The following GFUS variants were observed in gnomAD, a reference collection of about 807,000 sequenced individuals.
The protein encoded by GFUS is 3-5 epimerase/4-reductase.
In GFUS, 42 loss-of-function variants were observed where a neutral mutation model predicts 41.5. The ratio of observed to expected loss-of-function variants is 1.01; its 90% CI spans 0.79 to 1.31. The LOEUF is 1.31. GFUS is among the 50% of genes most tolerant of loss of function. The probability of loss-of-function intolerance (pLI) is 0.00; values close to 1 mark genes in which losing one functional copy is unlikely to be tolerated. For synonymous variants in GFUS, 188 were observed against 173.4 expected (o/e 1.08, Z -0.66); for missense variants, 437 against 428.7 (o/e 1.02, Z -0.17).
Position 143,614,618 on chromosome 8 carries a change from G to A in GFUS, c.464+6C>T, listed in dbSNP as rs753932456. Reference sequence around the variant, plus strand: ...GGCTGGGCCTCAGCAGGATGGGCGCGAGGACCTGTTCTGCACGTCGATCAT... The same window carrying A: ...GGCTGGGCCTCAGCAGGATGGGCGCAAGGACCTGTTCTGCACGTCGATCAT... On this transcript the variant is annotated splice_donor_region_variant and intron_variant, in intron 5 of 10. Transcript: ENST00000425753. The A allele has an allele frequency of 6.3e-6, 10 of 1,583,006 alleles. No individual in the cohort carries two copies. Among genetic ancestry groups the A allele is most frequent in the South Asian group, 1.1e-5 (1 of 87,608 alleles).
chr8:143,613,133 G>T, intron 10 of GFUS, 63 bp downstream of exon 10: 2 of 1,559,276 alleles, frequency 1.3e-6, no homozygotes, highest in South Asian at 1.1e-5. Context: ...CCCTGGTAGC[G>T]AGCATGAGGG....
Position 143,612,852 on chromosome 8 carries a change from G to A in GFUS, c.*58C>T. 1 of 1,560,214 alleles carries A rather than the reference G, an allele frequency of 6.4e-7. No homozygotes were observed. Among genetic ancestry groups the A allele is most frequent in the East Asian group, 2.4e-5 (1 of 41,706 alleles). ...CAGCTCCTGGCAGGGTTGACGGGTG[G>A]TGGCCGCTGGGCTCTGCCAGCCGAT... On this transcript the variant is annotated 3_prime_UTR_variant, in exon 11 of 11. Transcript: ENST00000425753.
Position 143,614,802 on chromosome 8 carries a change from C to T in GFUS, c.375G>A (p.Pro125=), listed in dbSNP as rs781416066. 24 of 1,613,684 alleles carry T rather than the reference C, an allele frequency of 1.5e-5. No individual in the cohort carries two copies. The highest frequency in any genetic ancestry group is 2.2e-5 in the South Asian group (2 of 91,084). The change falls in exon 4 of 11, where the codon CCG becomes CCA. Residue 125 remains proline (P), a synonymous_variant. Coordinates refer to ENST00000425753, the MANE Select transcript of GFUS (RefSeq NM_003313.4). ...TCIFPDKTTY[P]IDETMIHNGP... ...TGCCCCTCACCATGGTCTCATCTAT[C>T]GGGTAGGTCGTCTTGTCAGGGAAGA...
rs1829654225 is a variant in GFUS, at chr8:143,614,148, G to A, written c.663+16C>T. 2 of 1,612,150 alleles carry A rather than the reference G, an allele frequency of 1.2e-6. No individual in the cohort carries two copies. Among genetic ancestry groups the A allele is most frequent in the South Asian group, 2.2e-5 (2 of 91,096 alleles). ...GGGCAGGTTCTCTGGGGAGAGCTGT[G>A]CCTTCCTTTACGCACCAGCGAGTAT... On this transcript the variant is annotated intron_variant, in intron 7 of 10. Coordinates refer to ENST00000425753, the MANE Select transcript of GFUS (RefSeq NM_003313.4).
intron 9 of GFUS, 77 bp from the exon 10 acceptor site, chr8:143,613,372 A>G: frequency 6.6e-7 from 1 of 1,518,782 alleles, no homozygotes; most frequent in Non-Finnish European, 9.1e-7. Context: ...AACCTCTGCC[A>G]TTCCCAGGGG....
upstream of GFUS, chr8:143,617,693 G>C (rs947073911): frequency 6.6e-6 from 1 of 152,026 alleles, no homozygotes; most frequent in Non-Finnish European, 1.5e-5. Context: ...GGCCGCGCGC[G>C]GGCGGGTCCC....
Position 143,612,840 on chromosome 8 carries a change from G to T in GFUS, c.*70C>A, listed in dbSNP as rs1403270940. 1 of 1,539,964 alleles carries T rather than the reference G, an allele frequency of 6.5e-7. No homozygotes were observed. The highest frequency in any genetic ancestry group is 1.4e-5 in the African/African-American group (1 of 73,074). ...GGGTGGTGCCCTCAGCTCCTGGCAG[G>T]GTTGACGGGTGGTGGCCGCTGGGCT... On this transcript the variant is annotated 3_prime_UTR_variant, in exon 11 of 11. Transcript: ENST00000425753.
chr8:143,614,525 A>C, intron 5 of GFUS, 72 bp from the exon 6 acceptor site: 1 of 1,566,372 alleles, frequency 6.4e-7, no homozygotes, highest in Non-Finnish European at 8.7e-7. Flanking sequence ...CTGGCCTCTT[A>C]CTGAGGCTGG....
In GFUS at chr8:143,613,447, C is replaced by A; in HGVS notation, c.810+77G>T. ...CTCCCTCCGCAGTGTCCCACCCACG[C>A]TGGCCCTACACCGGGTGGCCACTGA... On this transcript the variant is annotated intron_variant, in intron 9 of 10. Transcript: ENST00000425753. 4 of 1,540,142 alleles carry A rather than the reference C, an allele frequency of 2.6e-6. No homozygotes were observed. In the South Asian group the frequency reaches 4.6e-5, roughly 18 times the overall value.
In GFUS at chr8:143,616,569, G is replaced by A. The variant is rs376807916; in HGVS notation, c.144C>T (p.Leu48=). ...GATCTGGGGATGGGCTCACTCACGT[G>A]AGATCGGCGTCTTTAGAGGAGACAA... The part of the protein sequence containing the change: ...WVFVSSKDAD[L]TDTAQTRALF... The change falls in exon 2 of 11, where the codon CTC becomes CTT. Residue 48 remains leucine (L), a splice_region_variant and synonymous_variant. Coordinates refer to ENST00000425753, the MANE Select transcript of GFUS (RefSeq NM_003313.4). 7 of 1,613,728 alleles carry A rather than the reference G, an allele frequency of 4.3e-6. No individual in the cohort carries two copies. Among genetic ancestry groups the A allele is most frequent in the Middle Eastern group, 1.6e-4 (1 of 6,084 alleles).
intron 3 of GFUS, 142 bp downstream of exon 3, chr8:143,615,964 C>A: frequency 1.5e-6 from 1 of 687,808 alleles, no homozygotes; most frequent in South Asian, 2.0e-5. Flanking sequence ...CAGGGGCTGC[C>A]CCCACCAGGC....
intron 1 of GFUS, 139 bp from the exon 2 acceptor site, chr8:143,616,862 C>G: frequency 2.0e-6 from 2 of 1,009,254 alleles, no homozygotes; most frequent in East Asian, 2.5e-5. Flanking sequence ...CCAGCTGGAC[C>G]GAGGCACTCC....
At chr8:143,614,489 GCC>G in intron 5 of GFUS, 36 bp from the exon 6 acceptor site, 5 of 1,588,330 alleles carry the variant, frequency 3.1e-6, no homozygotes, top group Non-Finnish European at 4.3e-6. Context: ...CTCGTCCTGG[GCC>G]CGCGATCCCA....
chr8:143,617,345 C>T (rs2078031349), intron 1 of GFUS, 129 bp downstream of exon 1: 1 of 154,426 alleles, frequency 6.5e-6, no homozygotes, highest in African/African-American at 2.4e-5. Flanking sequence ...GGAGACCTCA[C>T]CGCAGCCAGA....
rs1453590780 is a variant in GFUS at position 143,612,625 on chromosome 8, A to C, written c.*285T>G. The C allele has an allele frequency of 5.3e-6, 3 of 563,980 alleles. No homozygotes were observed. The highest frequency in any genetic ancestry group is 6.0e-5 in the East Asian group (2 of 33,596). The allele number at this position is 563,980 out of a possible 1,614,324, so 34.9% of individuals were successfully genotyped here. On this transcript the variant is annotated 3_prime_UTR_variant, in exon 11 of 11. Transcript: ENST00000425753. ...CAGAGCTGCCAAGGCCAGGCCTGTG[A>C]AAATGCACTTTATTGGCTCCCAGGG...
Position 143,617,529 on chromosome 8 carries a change from C to T in GFUS, c.-67G>A. The T allele has an allele frequency of 6.6e-6, 1 of 152,358 alleles. No individual in the cohort carries two copies. The highest frequency in any genetic ancestry group is 1.5e-5 in the Non-Finnish European group (1 of 68,050). The allele number at this position is 152,358 out of a possible 1,614,324, so 9.4% of individuals were successfully genotyped here. ...CAGCGGCTTCCGGCCGGGTGCGCTC[C>T]GGCTGCCCGCGGAGCCAGGTGGGGG... is the stretch of plus-strand genomic sequence containing the variant. On this transcript the variant is annotated 5_prime_UTR_variant, in exon 1 of 11. Coordinates refer to ENST00000425753, the MANE Select transcript of GFUS (RefSeq NM_003313.4).
chr8:143,614,144 C>T lies in GFUS; in HGVS notation c.663+20G>A, dbSNP rs776463732. The T allele has an allele frequency of 5.0e-6, 8 of 1,612,036 alleles. No individual in the cohort carries two copies. Among genetic ancestry groups the T allele is most frequent in the Non-Finnish European group, 6.8e-6 (8 of 1,179,966 alleles). On this transcript the variant is annotated intron_variant, in intron 7 of 10. Coordinates refer to ENST00000425753, the MANE Select transcript of GFUS (RefSeq NM_003313.4). Reference sequence around the variant, plus strand: ...AATAGGGCAGGTTCTCTGGGGAGAGCTGTGCCTTCCTTTACGCACCAGCGA... The same window carrying T: ...AATAGGGCAGGTTCTCTGGGGAGAGTTGTGCCTTCCTTTACGCACCAGCGA...
At chr8:143,615,838 T>C in intron 3 of GFUS, 2 of 415,246 alleles carry the variant, frequency 4.8e-6, no homozygotes, top group Non-Finnish European at 4.3e-6. Context: ...CTGGCTCTTT[T>C]CAGCCTCCCA....
intron 10 of GFUS, 25 bp downstream of exon 10, chr8:143,613,171 G>A (rs772862124): frequency 1.2e-6 from 2 of 1,609,438 alleles, no homozygotes; most frequent in South Asian, 1.1e-5. Flanking sequence ...TCCACCAAGT[G>A]GAGGGCTGTG....
Sources: allele counts gnomAD v4.1 joint callset, GRCh38; gene constraint gnomAD v4.1.1; transcripts MANE v1.5; gene names NCBI Gene and HGNC (gene_info 2026-07-23, HGNC 2026-07-21).